WAPL: variants seen among roughly 807,000 people sequenced by gnomAD.
WAPL encodes the protein wings apart-like protein homolog.
Under a neutral mutation model 121.0 loss-of-function variants are expected in WAPL, and 5 were observed. The observed-to-expected ratio is 0.04, with a 90% CI of 0.02 to 0.09. The LOEUF (loss-of-function observed/expected upper bound fraction) is 0.09, where lower values mean the gene tolerates loss of function less well. Ranked by LOEUF, WAPL falls within the 10% of genes least tolerant of loss-of-function variation. The pLI is 1.00. For missense variants in WAPL, 999 were observed against 1,410.8 expected (o/e 0.71, Z 4.68); for synonymous variants, 480 against 481.5 (o/e 1.00, Z 0.04).
At chr10:86,480,299 AG>A (rs1469729793) in intron 4 of WAPL, among the ~76,000 whole-genome samples, 1 of 152,234 alleles carries the variant, frequency 6.6e-6, no homozygotes, top group Non-Finnish European at 1.5e-5. Context: ...CACTACTGTG[AG>A]TAGAACTTCA....
At chr10:86,483,794 CTTTTTTTTTTTTT>C (rs35725128) in intron 4 of WAPL, among the ~76,000 whole-genome samples, 15 of 69,214 alleles carry the variant, frequency 2.2e-4, no homozygotes, top group Non-Finnish European at 3.0e-4. Context: ...ATTTTTTTTT[CTTTTTTTTTTTTT>C]TTTTTTTTTG....
At chr10:86,464,513 CAGTA>C (rs1184477333) in intron 9 of WAPL, among the ~76,000 whole-genome samples, 3 of 152,020 alleles carry the variant, frequency 2.0e-5, no homozygotes, top group Non-Finnish European at 4.4e-5. Flanking sequence ...TGAAAAAAAT[CAGTA>C]GACACTGCAA....
In WAPL at chr10:86,469,256, T is replaced by TAAATCAGCACACTCTAC. The variant is rs1564571380; in HGVS notation, c.2142+1735_2142+1736insGTAGAGTGTGCTGATTT. Among the ~76,000 whole-genome samples the TAAATCAGCACACTCTAC allele has an allele frequency of 3.5e-5, 5 of 142,530 alleles. 2 individuals are homozygous for TAAATCAGCACACTCTAC. Among genetic ancestry groups the TAAATCAGCACACTCTAC allele is most frequent in the Non-Finnish European group, 4.6e-5 (3 of 64,988 alleles). 93.5% of individuals were successfully genotyped at this position (142,530 alleles called of 152,430 possible). On this transcript the variant is annotated intron_variant, in intron 8 of 18. Coordinates refer to ENST00000298767, the MANE Select transcript of WAPL (RefSeq NM_015045.5). ...TTGAACCAAATAATTTTTTTTTTTTTTTTTTTTTTTTTTTGAGACGGAGTC... is the reference window on the plus strand; with the variant it reads ...TTGAACCAAATAATTTTTTTTTTTTTAAATCAGCACACTCTACTTTTTTTTTTTTTTGAGACGGAGTC...
chr10:86,448,355 G>T (rs1378092718), intron 15 of WAPL, among the ~76,000 whole-genome samples: 1 of 152,160 alleles, frequency 6.6e-6, no homozygotes, highest in Non-Finnish European at 1.5e-5. Flanking sequence ...GGAGGCTGAG[G>T]TGAAAGGATC....
chr10:86,459,135 T>A, intron 11 of WAPL, 70 bp from the exon 12 acceptor site: 1 of 1,230,928 alleles, frequency 8.1e-7, no homozygotes, highest in South Asian at 1.4e-5. Flanking sequence ...CACCACATTC[T>A]GCCTGGTGCG....
At chr10:86,503,526 G>A (rs2132223824) in intron 2 of WAPL, among the ~76,000 whole-genome samples, 1 of 152,176 alleles carries the variant, frequency 6.6e-6, no homozygotes, top group Admixed American at 6.5e-5. Context: ...GCCGAAGCGG[G>A]TGGGTCATCA....
intron 15 of WAPL, among the ~76,000 whole-genome samples, chr10:86,446,745 G>A (rs1849630862): frequency 6.6e-6 from 1 of 152,080 alleles, no homozygotes. Flanking sequence ...TACAAAATTG[G>A]AAAATTCTTA....
chr10:86,460,494 T>C lies in WAPL; in HGVS notation c.2485A>G (p.Lys829Glu). 6.2e-7 allele frequency: 1 copy of C among 1,611,834 alleles called. No individual in the cohort carries two copies. The highest frequency in any genetic ancestry group is 8.5e-7 in the Non-Finnish European group (1 of 1,179,204). The change falls in exon 11 of 19, where the codon AAA becomes GAA. Residue 829 changes from lysine to glutamate, a missense_variant and splice_region_variant. Physicochemically the swap from Lys to Glu is moderately conservative, Grantham distance 56 (BLOSUM62 1). Coordinates refer to ENST00000298767, the MANE Select transcript of WAPL (RefSeq NM_015045.5). ...CTACTTAAATGATCCACACATTCTT[T>C]TACTAGGTGAAAAGAAACAAACGTA... ...GGLDHIVDKV[K>E]ECVDHLSRDE... is the part of the protein sequence containing the mutation.
intron 5 of WAPL, 63 bp downstream of exon 5, chr10:86,473,815 A>G: frequency 7.9e-7 from 1 of 1,268,902 alleles, no homozygotes; most frequent in Non-Finnish European, 1.1e-6. Context: ...ATGAATTAAA[A>G]GAGTAACTGC....
At chr10:86,484,061 A>G (rs1216629513) in intron 4 of WAPL, among the ~76,000 whole-genome samples, 1 of 152,166 alleles carries the variant, frequency 6.6e-6, no homozygotes, top group Non-Finnish European at 1.5e-5. Flanking sequence ...AATTTTAAAA[A>G]TAGAAAAAAG....
rs569125222 is a variant in WAPL, at chr10:86,440,492, C to T, written c.3412-2477G>A. Among the ~76,000 whole-genome samples the T allele has an allele frequency of 5.3e-4, 80 of 151,978 alleles. 1 individual carries two copies. The South Asian group carries it at 0.016, about 30-fold the overall frequency. ...ATTTTTAGTAGAGACGGGGTTTCACCGTTTCACCGTGTTAGCCAGGATGGT... is the reference window on the plus strand; with the variant it reads ...ATTTTTAGTAGAGACGGGGTTTCACTGTTTCACCGTGTTAGCCAGGATGGT... On this transcript the variant is annotated intron_variant, in intron 17 of 18. Transcript: ENST00000298767.
chr10:86,472,642 A>G lies in WAPL; in HGVS notation c.1863T>C (p.Thr621=). 1 of 1,613,982 alleles carries G rather than the reference A, an allele frequency of 6.2e-7. No homozygotes were observed. Among genetic ancestry groups the G allele is most frequent in the Non-Finnish European group, 8.5e-7 (1 of 1,179,922 alleles). ...TGTCTTCTCGTCTGCATTTCAGTGC[A>G]GTAACTATATCTTGGTAGGGCTGAG... ...IPTQPYQDIV[T]ALKCRREDKE... Residue 621 remains threonine (T), a synonymous_variant, in exon 6 of 19, where the codon ACT becomes ACC. Coordinates refer to ENST00000298767, the MANE Select transcript of WAPL (RefSeq NM_015045.5). This position sits in a 1 kb window ranked among gnomAD's most constrained non-coding sequence, Gnocchi z 4.2.
At chr10:86,504,542 T>C (rs1169125041) in intron 2 of WAPL, among the ~76,000 whole-genome samples, 2 of 148,930 alleles carry the variant, frequency 1.3e-5, no homozygotes, top group Admixed American at 1.3e-4. Context: ...CCGGGCGTAG[T>C]AGCACACACC....
At chr10:86,494,488 T>TA (rs562138507) in intron 4 of WAPL, among the ~76,000 whole-genome samples, 14 of 151,686 alleles carry the variant, frequency 9.2e-5, no homozygotes, top group African/African-American at 1.9e-4. Flanking sequence ...TTGCTTCCAA[T>TA]AAAAAAAAAT....
intron 4 of WAPL, among the ~76,000 whole-genome samples, chr10:86,479,434 A>T (rs1010826222): frequency 2.0e-5 from 3 of 152,112 alleles, no homozygotes; most frequent in African/African-American, 7.2e-5. Flanking sequence ...TTGTATTTCT[A>T]GTAGAGATGG....
intron 2 of WAPL, among the ~76,000 whole-genome samples, chr10:86,510,663 G>A (rs565430447): frequency 8.8e-4 from 134 of 152,244 alleles, no homozygotes; most frequent in Middle Eastern, 3.4e-3. Context: ...AGAAACAAAA[G>A]TTCTGCTTTA....
At position 86,467,474 on chromosome 10, in the gene WAPL, A is replaced by G. The variant is rs1841425305; in HGVS notation, c.2175T>C (p.Tyr725=). 5 of 1,614,014 alleles carry G rather than the reference A, an allele frequency of 3.1e-6. No homozygotes were observed. The East Asian group carries it at 1.1e-4, about 36-fold the overall frequency. ...TGTTCAAACGATCTCTACTCAGTAT[A>G]TACATGAGGGCAGCTGTACAGAGGG... is the stretch of plus-strand genomic sequence containing the variant. ...NLSLCTAALM[Y]ILSRDRLNMD... Residue 725 remains tyrosine, a synonymous_variant, in exon 9 of 19, where the codon TAT becomes TAC. Transcript: ENST00000298767.
intron 2 of WAPL, among the ~76,000 whole-genome samples, chr10:86,502,596 G>A (rs1308367234): frequency 6.6e-6 from 1 of 152,118 alleles, no homozygotes; most frequent in Admixed American, 6.5e-5. Flanking sequence ...CATTATTTTT[G>A]TAGACATAAA....
At chr10:86,516,317 C>T (rs1564592026) in intron 2 of WAPL, among the ~76,000 whole-genome samples, 1 of 152,100 alleles carries the variant, frequency 6.6e-6, no homozygotes, top group African/African-American at 2.4e-5. Context: ...ATCGTCTCAT[C>T]CAAGAGTGAG....
Sources: allele counts gnomAD v4.1 joint callset (sites outside exome capture counted in the v4.1 genomes callset), GRCh38; gene constraint gnomAD v4.1.1; non-coding constraint Gnocchi (gnomAD v3.1); transcripts MANE v1.5; gene names NCBI Gene and HGNC (gene_info 2026-07-23, HGNC 2026-07-21).